The following TM9SF3 variants were observed in gnomAD, a reference collection of about 807,000 sequenced individuals.
TM9SF3 encodes the protein SM-11044-binding protein.
A neutral mutation model predicts 78.6 loss-of-function variants in TM9SF3; 14 were observed. The ratio of observed to expected loss-of-function variants is 0.18; its 90% CI spans 0.12 to 0.28. TM9SF3 has a LOEUF of 0.28. TM9SF3 is among the 10% of genes least tolerant of loss of function. The pLI is 1.00. For synonymous variants in TM9SF3, 231 were observed against 241.7 expected (o/e 0.96, Z 0.41); for missense variants, 496 against 721.9 (o/e 0.69, Z 3.59).
At chr10:96,532,778 C>T (rs1192705376) in intron 10 of TM9SF3, among the ~76,000 whole-genome samples, 1 of 152,024 alleles carries the variant, frequency 6.6e-6, no homozygotes, top group African/African-American at 2.4e-5. Flanking sequence ...ATTAGTAAAA[C>T]TGCAGCTTTA....
At chr10:96,562,168 T>G in intron 3 of TM9SF3, 30 bp from the exon 4 acceptor site, 1 of 1,506,314 alleles carries the variant, frequency 6.6e-7, no homozygotes, top group Non-Finnish European at 9.0e-7. Flanking sequence ...TTATACAAGG[T>G]AAAACCACTT....
At chr10:96,527,912 T>C (rs1024096889) in intron 12 of TM9SF3, 119 bp downstream of exon 12, 11 of 1,014,446 alleles carry the variant, frequency 1.1e-5, no homozygotes, top group Middle Eastern at 4.6e-4. Context: ...AAAATCCCTA[T>C]GCTATTTTAA....
At chr10:96,530,495 C>G in intron 11 of TM9SF3, 45 bp downstream of exon 11, 1 of 1,506,832 alleles carries the variant, frequency 6.6e-7, no homozygotes, top group Non-Finnish European at 9.1e-7. Flanking sequence ...AATTGTCTTA[C>G]TATAATCAAA....
intron 4 of TM9SF3, chr10:96,561,045 T>C: frequency 3.0e-6 from 1 of 332,174 alleles, no homozygotes; most frequent in Non-Finnish European, 5.7e-6. Flanking sequence ...TATTTTAATC[T>C]CAATCTCCTT....
Position 96,522,210 on chromosome 10 carries a change from T to A in TM9SF3, c.*53A>T, listed in dbSNP as rs1847785241. 6.7e-7 allele frequency: 1 copy of A among 1,490,422 alleles called. No individual in the cohort carries two copies. Among genetic ancestry groups the A allele is most frequent in the Admixed American group, 1.8e-5 (1 of 54,298 alleles). 92.3% of individuals were successfully genotyped at this position (1,490,422 alleles called of 1,614,324 possible). A position where few individuals can be genotyped will look rare whatever the true frequency, so the allele number is the denominator to read the frequency against. ...CGTTTGTTTGTTTTTGCTGTGCAAG[T>A]TCCACCCCTATGAAAAAGAAATTGA... On this transcript the variant is annotated 3_prime_UTR_variant, in exon 15 of 15. Coordinates refer to ENST00000371142, the MANE Select transcript of TM9SF3 (RefSeq NM_020123.4).
intron 14 of TM9SF3, among the ~76,000 whole-genome samples, chr10:96,526,319 C>T (rs1847838077): frequency 6.6e-6 from 1 of 151,986 alleles, no homozygotes; most frequent in Admixed American, 6.6e-5. Context: ...ACACATGACA[C>T]TATTCCTCAC....
chr10:96,544,838 A>T (rs1300644668), intron 8 of TM9SF3, among the ~76,000 whole-genome samples: 2 of 152,122 alleles, frequency 1.3e-5, no homozygotes, highest in East Asian at 3.8e-4. Flanking sequence ...AAAAAAAATT[A>T]AACGTGAAAT....
rs1377626320 is a variant in TM9SF3, at chr10:96,522,049, C to T, written c.*214G>A. On this transcript the variant is annotated 3_prime_UTR_variant, in exon 15 of 15. Transcript: ENST00000371142. Reference sequence around the variant, plus strand: ...GTAGTAATGCCTACTGCATAAAATCCAAGCATTTGCTGTGAACAGTTGGAG... The same window carrying T: ...GTAGTAATGCCTACTGCATAAAATCTAAGCATTTGCTGTGAACAGTTGGAG... The T allele has an allele frequency of 1.8e-6, 1 of 542,104 alleles. No homozygotes were observed. Among genetic ancestry groups the T allele is most frequent in the Non-Finnish European group, 3.2e-6 (1 of 311,200 alleles). The allele number at this position is 542,104 out of a possible 1,614,324, so 33.6% of individuals were successfully genotyped here. A position where few individuals can be genotyped will look rare whatever the true frequency, so the allele number is the denominator to read the frequency against.
In TM9SF3 at chr10:96,532,652, G is replaced by T. The variant is rs1482391380; in HGVS notation, c.1325+399C>A. On this transcript the variant is annotated intron_variant, in intron 10 of 14. Transcript: ENST00000371142. ...TATCTCTGACATTACTGATCTGCCAGCTCTGATGCTGTACTATAAAAGCAG... is the reference window on the plus strand; with the variant it reads ...TATCTCTGACATTACTGATCTGCCATCTCTGATGCTGTACTATAAAAGCAG... 1.1e-4 allele frequency among the ~76,000 whole-genome samples: 17 copies of T among 152,156 alleles called. 1 individual carries two copies. Among genetic ancestry groups the T allele is most frequent in the Admixed American group, 1.1e-3 (17 of 15,278 alleles).
chr10:96,558,974 A>G (rs1848270036), intron 5 of TM9SF3, among the ~76,000 whole-genome samples: 1 of 152,174 alleles, frequency 6.6e-6, no homozygotes. Flanking sequence ...TGCTATAAAG[A>G]ATCAAAACTA....
At chr10:96,531,136 T>C (rs566591656) in intron 10 of TM9SF3, among the ~76,000 whole-genome samples, 47 of 152,310 alleles carry the variant, frequency 3.1e-4, no homozygotes, top group Non-Finnish European at 5.7e-4. Flanking sequence ...AAAAATAAAA[T>C]TGAAACTTCA....
rs1165818214 is a variant in TM9SF3, at chr10:96,547,572, G to T, written c.1054+323C>A. 2.7e-5 allele frequency among the ~76,000 whole-genome samples: 4 copies of T among 150,670 alleles called. No individual in the cohort carries two copies. The Admixed American group carries it at 2.7e-4, about 10-fold the overall frequency. ...CATTTTAAATTCCAAATATCTCACAGTAGGCCAGACACTTTGGGAGGCCGA... is the reference window on the plus strand; with the variant it reads ...CATTTTAAATTCCAAATATCTCACATTAGGCCAGACACTTTGGGAGGCCGA... On this transcript the variant is annotated intron_variant, in intron 8 of 14. Coordinates refer to ENST00000371142, the MANE Select transcript of TM9SF3 (RefSeq NM_020123.4).
intron 11 of TM9SF3, among the ~76,000 whole-genome samples, chr10:96,528,502 T>C (rs1466225906): frequency 6.6e-6 from 1 of 152,152 alleles, no homozygotes; most frequent in African/African-American, 2.4e-5. Context: ...TTTGTATCCA[T>C]ATTGTTTTGT....
chr10:96,536,739 T>C (rs1847964963), intron 9 of TM9SF3, among the ~76,000 whole-genome samples: 1 of 152,212 alleles, frequency 6.6e-6, no homozygotes, highest in South Asian at 2.1e-4. Flanking sequence ...ATCTTTATTA[T>C]GATCCACGTC....
At chr10:96,563,561 A>G (rs1848335228) in intron 3 of TM9SF3, among the ~76,000 whole-genome samples, 1 of 152,026 alleles carries the variant, frequency 6.6e-6, no homozygotes, top group South Asian at 2.1e-4. Flanking sequence ...TATTTTTAGT[A>G]GAGACAGGGT....
chr10:96,570,589 C>T (rs1431455033), intron 2 of TM9SF3, among the ~76,000 whole-genome samples: 1 of 152,152 alleles, frequency 6.6e-6, no homozygotes, highest in Non-Finnish European at 1.5e-5. Context: ...ACCAACAGGA[C>T]AACATATTGT....
intron 1 of TM9SF3, among the ~76,000 whole-genome samples, chr10:96,578,774 T>C (rs1490191626): frequency 2.0e-5 from 3 of 152,192 alleles, no homozygotes; most frequent in Non-Finnish European, 4.4e-5. Context: ...GAGTTGGTAT[T>C]AGAATTAAAA....
intron 1 of TM9SF3, among the ~76,000 whole-genome samples, chr10:96,582,621 AAAC>A (rs749185843): frequency 1.7e-4 from 26 of 152,340 alleles, no homozygotes; most frequent in African/African-American, 5.3e-4. Flanking sequence ...TTTTCATTTC[AAAC>A]AACATGTCTG....
chr10:96,574,352 T>C (rs1021627197), intron 2 of TM9SF3, among the ~76,000 whole-genome samples: 1 of 152,040 alleles, frequency 6.6e-6, no homozygotes, highest in Non-Finnish European at 1.5e-5. Flanking sequence ...ACTAGAGAAA[T>C]GCGAATCAAA....
Sources: allele counts gnomAD v4.1 joint callset (sites outside exome capture counted in the v4.1 genomes callset), GRCh38; gene constraint gnomAD v4.1.1; transcripts MANE v1.5; gene names NCBI Gene and HGNC (gene_info 2026-07-23, HGNC 2026-07-21).